Variants in PHACTR1 observed in about 807,000 individuals in gnomAD.
The protein encoded by PHACTR1 is phosphatase and actin regulator 1.
A neutral mutation model predicts 69.2 loss-of-function variants in PHACTR1; 16 were observed. The ratio of observed to expected loss-of-function variants is 0.23; its 90% CI spans 0.16 to 0.35. PHACTR1 has a LOEUF of 0.35. Ranked by LOEUF, PHACTR1 falls within the 10% of genes least tolerant of loss-of-function variation. PHACTR1 has a pLI of 1.00. For missense variants in PHACTR1, 510 were observed against 734.7 expected (o/e 0.69, Z 3.54); for synonymous variants, 312 against 284.5 (o/e 1.10, Z -0.97).
chr6:13,217,696 C>T (rs1201377338), intron 8 of PHACTR1, among the ~76,000 whole-genome samples: 2 of 152,124 alleles, frequency 1.3e-5, no homozygotes, highest in African/African-American at 2.4e-5. Flanking sequence ...GCATAGTTTC[C>T]TGCTGACTAA....
At chr6:13,102,976 T>G (rs78058891) in intron 5 of PHACTR1, among the ~76,000 whole-genome samples, 4,356 of 152,296 alleles carry the variant, frequency 0.029, 193 homozygotes, top group African/African-American at 0.096. Flanking sequence ...CTTTGTAGTG[T>G]GAGGCAGTCC....
chr6:12,916,547 T>G (rs973571978), intron 4 of PHACTR1, among the ~76,000 whole-genome samples: 10 of 151,984 alleles, frequency 6.6e-5, no homozygotes, highest in African/African-American at 1.4e-4. Flanking sequence ...ACTGTTTTTT[T>G]TTTTTTTTTT....
intron 4 of PHACTR1, among the ~76,000 whole-genome samples, chr6:13,041,341 C>CATACAT (rs372429656): frequency 0.042 from 5,423 of 128,604 alleles, 325 homozygotes; most frequent in African/African-American, 0.16. Context: ...AAAATACATA[C>CATACAT]ACACACACAC....
intron 8 of PHACTR1, among the ~76,000 whole-genome samples, chr6:13,219,701 C>T (rs1336903203): frequency 6.6e-6 from 1 of 152,182 alleles, no homozygotes; most frequent in Non-Finnish European, 1.5e-5. Context: ...TAATAGCGCT[C>T]ATCATGGGAC....
intron 4 of PHACTR1, among the ~76,000 whole-genome samples, chr6:12,861,209 G>C (rs565457090): frequency 1.3e-4 from 20 of 152,294 alleles, no homozygotes; most frequent in African/African-American, 4.1e-4. Flanking sequence ...GGACTTGCCT[G>C]TTAGGCAATT....
intron 5 of PHACTR1, among the ~76,000 whole-genome samples, chr6:13,083,995 C>G (rs1275490792): frequency 3.3e-5 from 5 of 151,882 alleles, no homozygotes; most frequent in Admixed American, 6.6e-5. Context: ...ACCCAGCCAT[C>G]CCATTAGACA....
chr6:13,077,150 C>A (rs1583254574), intron 5 of PHACTR1, among the ~76,000 whole-genome samples: 2 of 129,470 alleles, frequency 1.5e-5, no homozygotes, highest in African/African-American at 3.0e-5. Flanking sequence ...GCTTCAGGAA[C>A]ATTAAAAGAT....
chr6:12,847,431 T>C (rs368831327), intron 4 of PHACTR1, among the ~76,000 whole-genome samples: 5 of 152,306 alleles, frequency 3.3e-5, no homozygotes, highest in East Asian at 3.9e-4. Context: ...AGTCAACTTA[T>C]ATGACACAAA....
intron 4 of PHACTR1, among the ~76,000 whole-genome samples, chr6:12,907,601 A>T (rs1000642521): frequency 6.6e-6 from 1 of 152,240 alleles, no homozygotes; most frequent in Non-Finnish European, 1.5e-5. Flanking sequence ...CACTGTCTCC[A>T]AATCAGCCTG....
intron 4 of PHACTR1, among the ~76,000 whole-genome samples, chr6:12,755,560 T>C (rs1767211961): frequency 6.6e-6 from 1 of 152,192 alleles, no homozygotes; most frequent in Admixed American, 6.5e-5. Flanking sequence ...AATTTTTGAG[T>C]TAAAAGAAGA....
intron 4 of PHACTR1, among the ~76,000 whole-genome samples, chr6:13,022,499 ATTCAGATTTTAGT>A (rs899292609): frequency 2.0e-5 from 3 of 152,216 alleles, no homozygotes; most frequent in African/African-American, 7.2e-5. Context: ...CTTATACGAA[ATTCAGATTTTAGT>A]GTCTGTAAAT....
At chr6:13,237,533 G>C (rs1772183479) in intron 10 of PHACTR1, among the ~76,000 whole-genome samples, 1 of 152,202 alleles carries the variant, frequency 6.6e-6, no homozygotes, top group South Asian at 2.1e-4. Flanking sequence ...TGCATGCACT[G>C]CACATGCCGA....
intron 4 of PHACTR1, among the ~76,000 whole-genome samples, chr6:12,826,989 C>G (rs1776870645): frequency 1.3e-5 from 2 of 152,162 alleles, no homozygotes; most frequent in Admixed American, 1.3e-4. Flanking sequence ...GTGGGATACC[C>G]ACTTTCCCTC....
intron 4 of PHACTR1, among the ~76,000 whole-genome samples, chr6:12,933,400 A>C (rs1789087149): frequency 6.6e-6 from 1 of 152,276 alleles, no homozygotes; most frequent in Non-Finnish European, 1.5e-5. Flanking sequence ...TTAATAAACT[A>C]GATGTTTAAA....
At chr6:13,140,264 C>A (rs1822228838) in intron 5 of PHACTR1, among the ~76,000 whole-genome samples, 1 of 152,066 alleles carries the variant, frequency 6.6e-6, no homozygotes, top group South Asian at 2.1e-4. Flanking sequence ...ACCATATAAC[C>A]CAGCAATTCC....
intron 6 of PHACTR1, among the ~76,000 whole-genome samples, chr6:13,181,219 G>C (rs1762138308): frequency 6.6e-6 from 1 of 151,808 alleles, no homozygotes; most frequent in Non-Finnish European, 1.5e-5. Context: ...GGCCAAGGAG[G>C]GATTCTGTGC....
chr6:12,735,400 T>C (rs541071950), intron 3 of PHACTR1, among the ~76,000 whole-genome samples: 4 of 152,322 alleles, frequency 2.6e-5, no homozygotes, highest in African/African-American at 9.6e-5. Flanking sequence ...CACAAGGGCA[T>C]GAGTGCCAAG....
intron 4 of PHACTR1, among the ~76,000 whole-genome samples, chr6:12,863,796 A>G (rs1044341250): frequency 2.0e-5 from 3 of 152,238 alleles, no homozygotes; most frequent in Admixed American, 6.5e-5. Flanking sequence ...GTAATAAAAC[A>G]TCTTTGAAAA....
chr6:13,081,591 G>A (rs1171046162), intron 5 of PHACTR1, among the ~76,000 whole-genome samples: 1 of 152,132 alleles, frequency 6.6e-6, no homozygotes, highest in Non-Finnish European at 1.5e-5. Context: ...GGAGGCCAAA[G>A]CAGGAGGATC....
Sources: gnomAD v4.1 joint callset for allele counts (sites outside exome capture counted in the v4.1 genomes callset) on GRCh38, gnomAD v4.1.1 for gene constraint, MANE v1.5 for transcripts, NCBI Gene and HGNC (gene_info 2026-07-23, HGNC 2026-07-21) for gene names.